GRIK2: variants seen among roughly 807,000 people sequenced by gnomAD.
The protein encoded by GRIK2 is glutamate ionotropic receptor kainate type subunit 2, also known as glutamate receptor ionotropic, kainate 2.
A neutral mutation model predicts 100.3 loss-of-function variants in GRIK2; 32 were observed. That is an observed-to-expected ratio of 0.32 (90% CI 0.24 to 0.43). The LOEUF is 0.43. Among genes scored for constraint, GRIK2 ranks in the 20% least tolerant of loss-of-function variants. The pLI is 1.00. For missense variants in GRIK2, 843 were observed against 1,114.9 expected, an observed-to-expected ratio of 0.76 and a Z score of 3.47; for synonymous variants, 417 against 389.4, an observed-to-expected ratio of 1.07 and a Z score of -0.83.
chr6:101,632,102 A>G (rs1780771090), intron 4 of GRIK2, among the ~76,000 whole-genome samples: 2 of 152,084 alleles, frequency 1.3e-5, no homozygotes, highest in Admixed American at 6.6e-5. Flanking sequence ...GCACACGTAC[A>G]TGTGCACATT....
At chr6:102,011,032 A>G (rs760274205) in intron 14 of GRIK2, among the ~76,000 whole-genome samples, 7 of 152,034 alleles carry the variant, frequency 4.6e-5, no homozygotes, top group African/African-American at 9.7e-5. Context: ...TAAGTTTTCA[A>G]CTCGTTAGGG....
chr6:101,885,425 G>T (rs532532977), intron 11 of GRIK2, among the ~76,000 whole-genome samples: 82 of 152,182 alleles, frequency 5.4e-4, no homozygotes, highest in African/African-American at 8.2e-4. Flanking sequence ...GCATTGTTAA[G>T]TCATCTTTGG....
At chr6:101,990,963 C>G (rs1030134068) in intron 14 of GRIK2, among the ~76,000 whole-genome samples, 2 of 151,736 alleles carry the variant, frequency 1.3e-5, no homozygotes, top group Admixed American at 1.3e-4. Context: ...TAAATTACAT[C>G]AATAAATATT....
At position 101,399,113 on chromosome 6, in the gene GRIK2, G is replaced by A; in HGVS notation, c.-165G>A. 2 of 567,766 alleles carry A rather than the reference G, an allele frequency of 3.5e-6. No homozygotes were observed. Among genetic ancestry groups the A allele is most frequent in the Middle Eastern group, 4.5e-4 (1 of 2,240 alleles). 35.2% of individuals were successfully genotyped at this position (567,766 alleles called of 1,614,324 possible). ...TGGCGCAGTGAGTGAAGAACATGCAGCGATTGCTAATGGGTTTGGGAAGCG... is the reference window on the plus strand; with the variant it reads ...TGGCGCAGTGAGTGAAGAACATGCAACGATTGCTAATGGGTTTGGGAAGCG... On this transcript the variant is annotated 5_prime_UTR_variant, in exon 2 of 17. Coordinates refer to ENST00000369134, the MANE Select transcript of GRIK2 (RefSeq NM_021956.5).
intron 4 of GRIK2, among the ~76,000 whole-genome samples, chr6:101,668,010 T>C (rs941398184): frequency 1.4e-4 from 22 of 152,172 alleles, no homozygotes; most frequent in Admixed American, 1.4e-3. Flanking sequence ...TAACATGTTC[T>C]GGGTCTTCAA....
Position 101,781,065 on chromosome 6 carries a change from T to G in GRIK2, c.952-18583T>G, listed in dbSNP as rs573452644. On this transcript the variant is annotated intron_variant, in intron 7 of 16. Transcript: ENST00000369134. ...TATATGATTCTATAATTTCTTTTTGTAATCTAATTTGTATTTGTTTATTTT... is the reference window on the plus strand; with the variant it reads ...TATATGATTCTATAATTTCTTTTTGGAATCTAATTTGTATTTGTTTATTTT... 5.3e-5 allele frequency among the ~76,000 whole-genome samples: 8 copies of G among 152,354 alleles called. No homozygotes were observed. In the East Asian group the frequency reaches 1.5e-3, roughly 29 times the overall value.
At chr6:101,754,104 T>A (rs1776973194) in intron 7 of GRIK2, among the ~76,000 whole-genome samples, 1 of 146,776 alleles carries the variant, frequency 6.8e-6, no homozygotes, top group Non-Finnish European at 1.5e-5. Flanking sequence ...TTAGATAACT[T>A]CTTCTCCTAT....
rs554913564 is a variant in GRIK2 at position 101,983,604 on chromosome 6, A to G, written c.2086-51737A>G. The stretch of plus-strand genomic sequence containing the variant: ...TATTATTATCTGGGATAGAAAATAT[A>G]TAACTCAATGATAAAAATATATTTT... On this transcript the variant is annotated intron_variant, in intron 14 of 16. Coordinates refer to ENST00000369134, the MANE Select transcript of GRIK2 (RefSeq NM_021956.5). 1.9e-3 allele frequency among the ~76,000 whole-genome samples: 289 copies of G among 151,968 alleles called. 2 individuals carry two copies. Among genetic ancestry groups the G allele is most frequent in the Non-Finnish European group, 3.2e-3 (214 of 67,838 alleles).
At chr6:101,636,406 G>A (rs10223801) in intron 4 of GRIK2, among the ~76,000 whole-genome samples, 22,033 of 151,836 alleles carry the variant, frequency 0.15, 1,602 homozygotes, top group African/African-American at 0.17. Flanking sequence ...GGTAGATGAC[G>A]GCTTGATGGG....
chr6:101,719,603 C>T (rs1488469672), intron 7 of GRIK2, among the ~76,000 whole-genome samples: 2 of 151,926 alleles, frequency 1.3e-5, no homozygotes, highest in Non-Finnish European at 2.9e-5. Context: ...GTTAGATGCA[C>T]TAATGGCACT....
At chr6:101,455,784 T>C (rs985807475) in intron 2 of GRIK2, among the ~76,000 whole-genome samples, 1 of 152,088 alleles carries the variant, frequency 6.6e-6, no homozygotes, top group Admixed American at 6.6e-5. Flanking sequence ...GATTTAGTAA[T>C]CAGGTTTAGT....
At chr6:101,769,684 A>T (rs916626120) in intron 7 of GRIK2, among the ~76,000 whole-genome samples, 24 of 152,178 alleles carry the variant, frequency 1.6e-4, no homozygotes, top group African/African-American at 5.8e-4. Flanking sequence ...CCAAATAACG[A>T]GGAAAGAATA....
intron 4 of GRIK2, among the ~76,000 whole-genome samples, chr6:101,648,380 A>G (rs188509480): frequency 1.3e-5 from 2 of 152,198 alleles, no homozygotes; most frequent in East Asian, 3.9e-4. Context: ...AAGTGATATA[A>G]ACTGTTTATT....
At chr6:101,749,308 C>T (rs1204288201) in intron 7 of GRIK2, among the ~76,000 whole-genome samples, 1 of 152,082 alleles carries the variant, frequency 6.6e-6, no homozygotes, top group East Asian at 1.9e-4. Flanking sequence ...AAGATTTCAC[C>T]ATGTTGGCCA....
rs1302248676 is a variant in GRIK2, at chr6:101,697,734, C to G, written c.951+11381C>G. ...ATCTAAATCACCTAACTCTTGAAAACAGTCTGCTTATTCCTTCCTTTGTAA... is the reference window on the plus strand; with the variant it reads ...ATCTAAATCACCTAACTCTTGAAAAGAGTCTGCTTATTCCTTCCTTTGTAA... On this transcript the variant is annotated intron_variant, in intron 7 of 16. Coordinates refer to ENST00000369134, the MANE Select transcript of GRIK2 (RefSeq NM_021956.5). Among the ~76,000 whole-genome samples the G allele has an allele frequency of 2.0e-5, 3 of 151,984 alleles. No homozygotes were observed. The East Asian group carries it at 5.8e-4, about 29-fold the overall frequency.
intron 11 of GRIK2, among the ~76,000 whole-genome samples, chr6:101,887,031 T>C (rs530027852): frequency 6.6e-6 from 1 of 151,718 alleles, no homozygotes; most frequent in East Asian, 1.9e-4. Flanking sequence ...AGTTTCACCA[T>C]GTTGGCCAGG....
chr6:101,489,968 T>G (rs1773018482), intron 2 of GRIK2, among the ~76,000 whole-genome samples: 1 of 146,704 alleles, frequency 6.8e-6, no homozygotes, highest in Non-Finnish European at 1.5e-5. Context: ...GAAAAAATGT[T>G]AAAGTGCTAG....
intron 2 of GRIK2, among the ~76,000 whole-genome samples, chr6:101,437,008 A>C (rs1769758052): frequency 6.6e-6 from 1 of 151,078 alleles, no homozygotes; most frequent in Non-Finnish European, 1.5e-5. Flanking sequence ...ATAATTTTAG[A>C]GTTCAATACC....
chr6:101,400,051 C>A (rs562504863), intron 2 of GRIK2, among the ~76,000 whole-genome samples: 3 of 152,120 alleles, frequency 2.0e-5, no homozygotes, highest in African/African-American at 7.2e-5. Context: ...AAAATTAGAA[C>A]GGCATTTTGT....
Sources: allele counts gnomAD v4.1 joint callset (sites outside exome capture counted in the v4.1 genomes callset), GRCh38; gene constraint gnomAD v4.1.1; transcripts MANE v1.5; gene names NCBI Gene and HGNC (gene_info 2026-07-23, HGNC 2026-07-21).